NUDCD3: variants seen among roughly 807,000 people sequenced by gnomAD.
The protein encoded by NUDCD3 is NudC domain containing 3.
Under a neutral mutation model 39.7 loss-of-function variants are expected in NUDCD3, and 13 were observed. The ratio of observed to expected loss-of-function variants is 0.33; its 90% CI spans 0.21 to 0.52. The LOEUF (loss-of-function observed/expected upper bound fraction) is 0.52. NUDCD3 is among the 20% of genes least tolerant of loss of function. The pLI is 0.96. For synonymous variants in NUDCD3, 175 were observed against 172.4 expected (o/e 1.02, Z -0.12); for missense variants, 453 against 458.1 (o/e 0.99, Z 0.10).
intron 3 of NUDCD3, among the ~76,000 whole-genome samples, chr7:44,420,678 C>T (rs187665223): frequency 2.0e-5 from 3 of 152,350 alleles, no homozygotes; most frequent in Admixed American, 2.0e-4. Flanking sequence ...AGCCAGAAGA[C>T]AGTGAAGGCC....
intron 3 of NUDCD3, among the ~76,000 whole-genome samples, chr7:44,426,783 G>A (rs1305748836): frequency 2.0e-4 from 29 of 144,980 alleles, no homozygotes; most frequent in African/African-American, 6.1e-4. Flanking sequence ...GCGACAGAGC[G>A]AGACTCCGTC....
At position 44,485,362 on chromosome 7, in the gene NUDCD3, T is replaced by A; in HGVS notation, c.193-78A>T. On this transcript the variant is annotated intron_variant, in intron 1 of 5. Coordinates refer to ENST00000355451, the MANE Select transcript of NUDCD3 (RefSeq NM_015332.4). ...CATATCTTGTAGAAATGTCGTAAAA[T>A]CTGTGAAGGAGAGAACTAAAAGTCA... is the stretch of plus-strand genomic sequence containing the variant. 2.4e-6 allele frequency: 3 copies of A among 1,270,984 alleles called. No homozygotes were observed. The South Asian group carries it at 4.6e-5, about 19-fold the overall frequency. 78.7% of individuals were successfully genotyped at this position (1,270,984 alleles called of 1,614,324 possible).
chr7:44,433,514 AGTGT>A (rs563697438), intron 2 of NUDCD3, among the ~76,000 whole-genome samples: 4 of 151,896 alleles, frequency 2.6e-5, no homozygotes, highest in Non-Finnish European at 2.9e-5. Flanking sequence ...GTGGGCATGC[AGTGT>A]GTGTGTGCTA....
intron 2 of NUDCD3, 27 bp from the exon 3 acceptor site, chr7:44,427,730 CAG>C: frequency 6.2e-7 from 1 of 1,610,716 alleles, no homozygotes; most frequent in African/African-American, 1.3e-5. Context: ...AATGTGATCC[CAG>C]TCAGCCATGC....
In NUDCD3 at chr7:44,381,686, CCTT is replaced by C. The variant is rs1316556579; in HGVS notation, c.*4322_*4324del. On this transcript the variant is annotated 3_prime_UTR_variant, in exon 6 of 6. Coordinates refer to ENST00000355451, the MANE Select transcript of NUDCD3 (RefSeq NM_015332.4). ...TTCCTGCAAGTGTTTCCTAAGCTGT[CCTT>C]CTCCAGGGAGAATAGCCTCAGCCCT... The C allele has an allele frequency of 3.9e-5, 6 of 152,286 alleles. No individual in the cohort carries two copies. The highest frequency in any genetic ancestry group is 8.8e-5 in the Non-Finnish European group (6 of 68,110). The allele number at this position is 152,286 out of a possible 1,614,324, so 9.4% of individuals were successfully genotyped here. A position where few individuals can be genotyped will look rare whatever the true frequency, so the allele number is the denominator to read the frequency against.
chr7:44,463,942 A>G (rs1007379591), intron 2 of NUDCD3, among the ~76,000 whole-genome samples: 15 of 152,296 alleles, frequency 9.8e-5, no homozygotes, highest in Middle Eastern at 6.8e-3. Context: ...GGCCGGGCAC[A>G]GTGGCTCACG....
chr7:44,463,625 G>C (rs967310319), intron 2 of NUDCD3, among the ~76,000 whole-genome samples: 6 of 152,056 alleles, frequency 3.9e-5, no homozygotes, highest in African/African-American at 1.4e-4. Flanking sequence ...CCTCCAAGTG[G>C]TGTGAGAGGA....
At chr7:44,480,248 C>T (rs1423039067) in intron 2 of NUDCD3, among the ~76,000 whole-genome samples, 1 of 152,114 alleles carries the variant, frequency 6.6e-6, no homozygotes, top group South Asian at 2.1e-4. Context: ...AACCAATACC[C>T]TCCTTTCATT....
At chr7:44,465,594 A>T (rs1800102306) in intron 2 of NUDCD3, among the ~76,000 whole-genome samples, 1 of 152,246 alleles carries the variant, frequency 6.6e-6, no homozygotes, top group South Asian at 2.1e-4. Flanking sequence ...ACCAAAAAAG[A>T]AAAAAGTAAG....
intron 2 of NUDCD3, among the ~76,000 whole-genome samples, chr7:44,484,157 A>G (rs146963123): frequency 3.0e-4 from 46 of 152,284 alleles, no homozygotes; most frequent in African/African-American, 1.1e-3. Context: ...AAGAGAGTGA[A>G]TTTTCCAAAA....
intron 2 of NUDCD3, among the ~76,000 whole-genome samples, chr7:44,477,109 T>G (rs1278474372): frequency 2.6e-5 from 4 of 152,162 alleles, no homozygotes; most frequent in African/African-American, 9.7e-5. Flanking sequence ...CTGAACAGTT[T>G]TCTCAGGTAT....
chr7:44,435,974 C>T (rs1799456237), intron 2 of NUDCD3, among the ~76,000 whole-genome samples: 1 of 152,152 alleles, frequency 6.6e-6, no homozygotes, highest in Non-Finnish European at 1.5e-5. Flanking sequence ...GAAATTATAA[C>T]AGGCTAAGTT....
chr7:44,430,581 C>CACAG, intron 2 of NUDCD3, among the ~76,000 whole-genome samples: 1 of 151,436 alleles, frequency 6.6e-6, no homozygotes, highest in African/African-American at 2.4e-5. Context: ...CACACACACA[C>CACAG]ACACACACAC....
chr7:44,480,027 A>G (rs1487193191), intron 2 of NUDCD3, among the ~76,000 whole-genome samples: 1 of 152,242 alleles, frequency 6.6e-6, no homozygotes, highest in Admixed American at 6.5e-5. Context: ...TTCTTGCGGT[A>G]CCAGTCTATT....
chr7:44,468,349 C>CAAAAAAAAAAAAAAAAAAA (rs77181470), intron 2 of NUDCD3: 1 of 341,530 alleles, frequency 2.9e-6, no homozygotes, highest in African/African-American at 3.7e-5. Flanking sequence ...GTAAAAACTG[C>CAAAAAAAAAAAAAAAAAAA]AAAAAAAAAA....
intron 3 of NUDCD3, chr7:44,413,115 C>T (rs1017986873): frequency 7.9e-5 from 12 of 151,832 alleles, no homozygotes; most frequent in African/African-American, 2.7e-4. Flanking sequence ...ATTTCAGAAG[C>T]CATGAAAAAA....
chr7:44,438,559 T>A (rs574204112), intron 2 of NUDCD3, among the ~76,000 whole-genome samples: 1 of 152,080 alleles, frequency 6.6e-6, no homozygotes, highest in South Asian at 2.1e-4. Context: ...CAACCAGCCC[T>A]AATCAAGACC....
chr7:44,483,067 A>AGTGT (rs142842030), intron 2 of NUDCD3, among the ~76,000 whole-genome samples: 71 of 149,870 alleles, frequency 4.7e-4, no homozygotes, highest in Middle Eastern at 3.5e-3. Flanking sequence ...AGACCTCCTA[A>AGTGT]GTGTGTGTGT....
chr7:44,389,932 C>T (rs1798478294), intron 5 of NUDCD3, among the ~76,000 whole-genome samples: 1 of 152,112 alleles, frequency 6.6e-6, no homozygotes, highest in African/African-American at 2.4e-5. Flanking sequence ...ACTGGCAACT[C>T]CAATGATGAG....
Sources: allele counts gnomAD v4.1 joint callset (sites outside exome capture counted in the v4.1 genomes callset), GRCh38; gene constraint gnomAD v4.1.1; transcripts MANE v1.5; gene names NCBI Gene and HGNC (gene_info 2026-07-23, HGNC 2026-07-21).